Variants in INSR observed in about 807,000 individuals in gnomAD.
The protein encoded by INSR is insulin receptor, also known as IR.
Under a neutral mutation model 142.6 loss-of-function variants are expected in INSR, and 67 were observed. The ratio of observed to expected loss-of-function variants is 0.47; its 90% CI spans 0.39 to 0.58. The LOEUF is 0.58. Among genes scored for constraint, INSR ranks in the 20% least tolerant of loss-of-function variants. INSR has a pLI of 0.00. For missense variants in INSR, 1,248 were observed against 1,833.2 expected, an observed-to-expected ratio of 0.68 and a Z score of 5.83; for synonymous variants, 756 against 743.1, an observed-to-expected ratio of 1.02 and a Z score of -0.28.
At chr19:7,146,325 T>C (rs1973187844) in intron 11 of INSR, among the ~76,000 whole-genome samples, 1 of 143,070 alleles carries the variant, frequency 7.0e-6, no homozygotes, top group Admixed American at 7.3e-5. Flanking sequence ...CACTGCAACC[T>C]CTGCCTCCCA....
At chr19:7,284,763 C>T (rs974693751) in intron 1 of INSR, among the ~76,000 whole-genome samples, 4 of 152,090 alleles carry the variant, frequency 2.6e-5, no homozygotes, top group Admixed American at 6.6e-5. Context: ...CTCCTGACCT[C>T]GTGATCCACT....
rs2144796432 is a variant in INSR, at chr19:7,119,644, G to GCA, written c.3660-62_3660-61insTG. 6.3e-6 allele frequency: 9 copies of GCA among 1,430,222 alleles called. No individual in the cohort carries two copies. Among genetic ancestry groups the GCA allele is most frequent in the African/African-American group, 2.8e-5 (2 of 71,678 alleles). 88.6% of individuals were successfully genotyped at this position (1,430,222 alleles called of 1,614,324 possible). A position where few individuals can be genotyped will look rare whatever the true frequency, so the allele number is the denominator to read the frequency against. Reference sequence around the variant, plus strand: ...CATTTAGACACACACACACACGCGCGCGCGCAAACACACACACGCAAACGC... The same window carrying GCA: ...CATTTAGACACACACACACACGCGCGCACGCGCAAACACACACACGCAAACGC... On this transcript the variant is annotated intron_variant, in intron 20 of 21. Transcript: ENST00000302850. This position sits in a 1 kb window ranked among gnomAD's most constrained non-coding sequence, Gnocchi z 5.2.
rs143048866 is a variant in INSR at position 7,159,005 on chromosome 19, C to A, written c.2029+4027G>T. Among the ~76,000 whole-genome samples, 1 of 152,006 alleles carries A rather than the reference C, an allele frequency of 6.6e-6. No homozygotes were observed. The highest frequency in any genetic ancestry group is 2.4e-5 in the African/African-American group (1 of 41,354). On this transcript the variant is annotated intron_variant, in intron 9 of 21. Transcript: ENST00000302850. This position sits in a 1 kb window ranked among gnomAD's most constrained non-coding sequence, Gnocchi z 4.3. ...GCAACCTCTGCCTCCCAGATTCAAG[C>A]GATTCTCCTGCCTCAGCCTCCTGAG...
At position 7,267,813 on chromosome 19, in the gene INSR, T is replaced by C. The variant is rs767255267; in HGVS notation, c.184A>G (p.Ile62Val). 2 of 1,614,078 alleles carry C rather than the reference T, an allele frequency of 1.2e-6. No homozygotes were observed. Among genetic ancestry groups the C allele is most frequent in the Non-Finnish European group, 1.7e-6 (2 of 1,179,984 alleles). ...NCSVIEGHLQ[I>V]LLMFKTRPED... is the part of the protein sequence containing the mutation. ...GGCCTCGTTTTGAACATCAAGAGTA[T>C]CTGCAAGTGTCCTTCGATGACAGAG... Residue 62 changes from isoleucine (I) to valine (V), a missense_variant, in exon 2 of 22, where the codon ATA becomes GTA. Physicochemically the swap from Ile to Val is conservative, Grantham distance 29. Coordinates refer to ENST00000302850, the MANE Select transcript of INSR (RefSeq NM_000208.4). This position sits in a 1 kb window ranked among gnomAD's most constrained non-coding sequence, Gnocchi z 6.3.
intron 2 of INSR, among the ~76,000 whole-genome samples, chr19:7,231,775 C>CT (rs11453584): frequency 0.59 from 85,499 of 145,206 alleles, 24,967 homozygotes; most frequent in African/African-American, 0.63. Flanking sequence ...TTTTCTGTCT[C>CT]TTTTTTTTTT....
At chr19:7,292,080 A>G (rs936954478) in intron 1 of INSR, among the ~76,000 whole-genome samples, 3 of 64,584 alleles carry the variant, frequency 4.6e-5, no homozygotes, top group Non-Finnish European at 1.1e-4. Context: ...AGCGTGAGCC[A>G]CCACGCCCCG....
chr19:7,144,646 T>C lies in INSR; in HGVS notation c.2268-1556A>G, dbSNP rs143487887. ...CTCAAACTCCTGACCTCAGGTGATC[T>C]GCCCACCTCAGCCTCCCAAAGTGCC... On this transcript the variant is annotated intron_variant, in intron 11 of 21. Transcript: ENST00000302850. Among the ~76,000 whole-genome samples, 983 of 151,804 alleles carry C rather than the reference T, an allele frequency of 6.5e-3. 7 individuals are homozygous for C. Among genetic ancestry groups the C allele is most frequent in the East Asian group, 0.041 (213 of 5,154 alleles).
At chr19:7,264,276 T>C (rs895009994) in intron 2 of INSR, among the ~76,000 whole-genome samples, 1 of 151,682 alleles carries the variant, frequency 6.6e-6, no homozygotes, top group Admixed American at 6.6e-5. Context: ...GAGGTTGCAG[T>C]GAGCCGAGAT....
intron 2 of INSR, among the ~76,000 whole-genome samples, chr19:7,201,604 G>T (rs62111428): frequency 6.6e-6 from 1 of 151,020 alleles, no homozygotes; most frequent in Admixed American, 6.6e-5. Flanking sequence ...CAGCCTGGGC[G>T]ACCAAGTGAG....
chr19:7,222,061 G>C (rs1975638490), intron 2 of INSR, among the ~76,000 whole-genome samples: 1 of 148,066 alleles, frequency 6.8e-6, no homozygotes, highest in Non-Finnish European at 1.5e-5. Context: ...GCACCATTTG[G>C]GAAAGGCTAA....
Position 7,116,847 on chromosome 19 carries a change from C to T in INSR, c.*209G>A, listed in dbSNP as rs551610792. 1.8e-6 allele frequency: 1 copy of T among 560,444 alleles called. No individual in the cohort carries two copies. Among genetic ancestry groups the T allele is most frequent in the Admixed American group, 3.2e-5 (1 of 31,342 alleles). 34.7% of individuals were successfully genotyped at this position (560,444 alleles called of 1,614,324 possible). On this transcript the variant is annotated 3_prime_UTR_variant, in exon 22 of 22. Coordinates refer to ENST00000302850, the MANE Select transcript of INSR (RefSeq NM_000208.4). The stretch of plus-strand genomic sequence containing the variant: ...AGCAGCAACTGTGGAAACCCCTTGC[C>T]CTCCAGGTTCACAGTTAAATCCTCT...
intron 2 of INSR, among the ~76,000 whole-genome samples, chr19:7,235,573 G>A (rs948232813): frequency 2.1e-5 from 3 of 141,704 alleles, no homozygotes; most frequent in African/African-American, 5.5e-5. Context: ...AAAGGGGCCA[G>A]GCGCTGCAGC....
rs150718575 is a variant in INSR at position 7,197,112 on chromosome 19, A to G, written c.653-12475T>C. On this transcript the variant is annotated intron_variant, in intron 2 of 21. Coordinates refer to ENST00000302850, the MANE Select transcript of INSR (RefSeq NM_000208.4). ...GTGAACTTTTGACAGCTTCGTGGTCAGCAGCGACGACCGCAGGAGCGCGTG... is the reference window on the plus strand; with the variant it reads ...GTGAACTTTTGACAGCTTCGTGGTCGGCAGCGACGACCGCAGGAGCGCGTG... 2.0e-3 allele frequency among the ~76,000 whole-genome samples: 308 copies of G among 152,346 alleles called. 8 individuals are homozygous for G. In the East Asian group the frequency reaches 0.041, roughly 20 times the overall value.
At chr19:7,126,067 C>T (rs1193334330) in intron 16 of INSR, among the ~76,000 whole-genome samples, 1 of 151,972 alleles carries the variant, frequency 6.6e-6, no homozygotes, top group Non-Finnish European at 1.5e-5. Context: ...TGGAGCTTGC[C>T]CTGGAGCTTT....
chr19:7,283,980 G>A (rs968342805), intron 1 of INSR, among the ~76,000 whole-genome samples: 7 of 152,106 alleles, frequency 4.6e-5, no homozygotes, highest in South Asian at 2.1e-4. Flanking sequence ...CCGAACTCAC[G>A]GCCAACAGTA....
At chr19:7,242,447 A>G (rs369047018) in intron 2 of INSR, among the ~76,000 whole-genome samples, 2 of 152,122 alleles carry the variant, frequency 1.3e-5, no homozygotes, top group South Asian at 2.1e-4. Flanking sequence ...TAAAATAATA[A>G]AAGTTCAGCC....
intron 1 of INSR, among the ~76,000 whole-genome samples, chr19:7,290,702 G>C (rs760275314): frequency 9.2e-5 from 14 of 151,692 alleles, no homozygotes; most frequent in Non-Finnish European, 1.8e-4. Flanking sequence ...GAACCTGAAA[G>C]GCGGAGGTCG....
In INSR at chr19:7,150,519, C is replaced by T. The variant is rs545885277; in HGVS notation, c.2245G>A (p.Gly749Ser). ...VVFVPRKTSSGTGAEDPRPSR... is the reference protein window; with the variant it reads ...VVFVPRKTSSSTGAEDPRPSR... ...TACCTAGGGTCCTCGGCACCAGTGC[C>T]TGAAGAGGTTTTTCTGTGGAAACAA... Residue 749 changes from glycine to serine, a missense_variant, in exon 11 of 22, where the codon GGC (glycine) becomes AGC (serine). Physicochemically the swap from Gly to Ser is moderately conservative, Grantham distance 56. Transcript: ENST00000302850. This position sits in a 1 kb window ranked among gnomAD's most constrained non-coding sequence, Gnocchi z 4.2. The T allele has an allele frequency of 7.2e-5, 117 of 1,614,178 alleles. No homozygotes were observed. In the South Asian group the frequency reaches 1.2e-3, roughly 17 times the overall value.
chr19:7,123,177 T>C (rs1315497059), intron 17 of INSR, 188 bp from the exon 18 acceptor site: 1 of 594,934 alleles, frequency 1.7e-6, no homozygotes, highest in Admixed American at 2.9e-5. Flanking sequence ...TATTTTTTTT[T>C]TTTTAATTTT....
Sources: allele counts gnomAD v4.1 joint callset (sites outside exome capture counted in the v4.1 genomes callset), GRCh38; gene constraint gnomAD v4.1.1; non-coding constraint Gnocchi (gnomAD v3.1); transcripts MANE v1.5; gene names NCBI Gene and HGNC (gene_info 2026-07-23, HGNC 2026-07-21).